The following DMD variants were observed in gnomAD, a reference collection of about 807,000 sequenced individuals.
DMD encodes the protein mutant dystrophin.
DMD carries 63 observed loss-of-function variants against 330.1 expected under a neutral mutation model. That is an observed-to-expected ratio of 0.19 (90% CI 0.16 to 0.24). The LOEUF (loss-of-function observed/expected upper bound fraction) is 0.24, where lower values mean the gene tolerates loss of function less well. Among genes scored for constraint, DMD ranks in the 10% least tolerant of loss-of-function variants. The pLI, the probability that DMD is intolerant of heterozygous loss-of-function variation, is 1.00. For missense variants in DMD, 3,344 were observed against 2,684.1 expected (o/e 1.25, Z -5.43); for synonymous variants, 1,223 against 959.8 (o/e 1.27, Z -5.07).
intron 44 of DMD, among the ~76,000 whole-genome samples, chrX:32,197,821 A>G (rs959053813): frequency 1.8e-5 from 2 of 111,540 alleles, no homozygotes; most frequent in East Asian, 2.8e-4. Context: ...ATTACCTCAC[A>G]TACTATTTTT....
chrX:31,377,773 G>A (rs190540567), intron 60 of DMD, among the ~76,000 whole-genome samples: 23 of 112,002 alleles, frequency 2.1e-4, no homozygotes, highest in Non-Finnish European at 2.8e-4. Flanking sequence ...TGACCTGCAC[G>A]TATACATCCA....
chrX:31,126,438 G>A (rs1166776523), intron 78 of DMD, among the ~76,000 whole-genome samples: 3 of 111,774 alleles, frequency 2.7e-5, no homozygotes, highest in Admixed American at 9.5e-5. Flanking sequence ...CAGTCTTGTC[G>A]TCATGGTGAT....
At chrX:31,622,288 CA>C (rs2078574159) in intron 55 of DMD, among the ~76,000 whole-genome samples, 1 of 110,096 alleles carries the variant, frequency 9.1e-6, no homozygotes, top group African/African-American at 3.3e-5. Flanking sequence ...CCAGTATTTC[CA>C]CACCGACAGA....
At chrX:32,809,734 G>A in intron 6 of DMD, 123 bp from the exon 7 acceptor site, 1 of 554,099 alleles carries the variant, frequency 1.8e-6, no homozygotes, top group Non-Finnish European at 3.1e-6. Context: ...CTTAAGTCTT[G>A]AGTGTAATTC....
At position 32,565,817 on chromosome X, in the gene DMD, T is replaced by A. The variant is rs1569214355; in HGVS notation, c.1877A>T (p.Asp626Val). The A allele has an allele frequency of 4.1e-6, 5 of 1,211,324 alleles. No individual in the cohort carries two copies. The highest frequency in any genetic ancestry group is 1.8e-5 in the South Asian group (1 of 56,996). ...SMGKLYSLKQDLLSTLKNKSV... is the reference protein window; with the variant it reads ...SMGKLYSLKQVLLSTLKNKSV... The stretch of plus-strand genomic sequence containing the variant: ...CTTATTCTTCAGTGTTGAAAGAAGA[T>A]CTTGTTTGAGTGAATACAGTTTGCC... The change falls in exon 16 of 79, where the codon GAT becomes GTT. Residue 626 changes from aspartate (D) to valine (V), a missense_variant. Transcript: ENST00000357033.
chrX:31,729,556 T>TA (rs1445229584), intron 52 of DMD, 75 bp downstream of exon 52: 2 of 696,329 alleles, frequency 2.9e-6, no homozygotes, highest in Non-Finnish European at 4.7e-6. Flanking sequence ...GTGAGGGGGA[T>TA]ATATGAACTT....
At chrX:31,209,241 G>A (rs921250403) in intron 65 of DMD, among the ~76,000 whole-genome samples, 6 of 111,808 alleles carry the variant, frequency 5.4e-5, no homozygotes, top group African/African-American at 1.3e-4. Context: ...GCTATATGTC[G>A]ACTCATTCCA....
Position 32,435,789 on chromosome X carries a change from C to T in DMD, c.4071+2452G>A, listed in dbSNP as rs778294907. Among the ~76,000 whole-genome samples, 7 of 111,220 alleles carry T rather than the reference C, an allele frequency of 6.3e-5. No homozygotes were observed. In the East Asian group the frequency reaches 1.7e-3, roughly 27 times the overall value. On this transcript the variant is annotated intron_variant, in intron 29 of 78. Coordinates refer to ENST00000357033, the MANE Select transcript of DMD (RefSeq NM_004006.3). The stretch of plus-strand genomic sequence containing the variant: ...GGCTCACCTCATCCACCCCACTTTA[C>T]CCAGAAGACTTTCAGCAACACTATG...
chrX:31,814,374 G>T (rs1052703722), intron 50 of DMD, among the ~76,000 whole-genome samples: 1 of 103,946 alleles, frequency 9.6e-6, no homozygotes, highest in African/African-American at 3.5e-5. Flanking sequence ...TCCCAGCTAC[G>T]GGGGAGGCTG....
intron 1 of DMD, among the ~76,000 whole-genome samples, chrX:33,243,063 C>T (rs1470380179): frequency 8.9e-6 from 1 of 111,940 alleles, no homozygotes; most frequent in Non-Finnish European, 1.9e-5. Flanking sequence ...TTTGTTTACT[C>T]TGCTGACTGT....
chrX:32,719,432 A>C (rs2066041741), intron 7 of DMD, among the ~76,000 whole-genome samples: 1 of 111,564 alleles, frequency 9.0e-6, no homozygotes, highest in Non-Finnish European at 1.9e-5. Flanking sequence ...AAGTAGATGA[A>C]ATTTTCAGTA....
intron 44 of DMD, among the ~76,000 whole-genome samples, chrX:32,098,859 A>G (rs751534986): frequency 1.2e-4 from 13 of 112,350 alleles, no homozygotes; most frequent in Admixed American, 1.1e-3. Flanking sequence ...CCCTTTTAAA[A>G]TAGATTAGTC....
At chrX:33,195,319 T>C (rs2050861868) in intron 1 of DMD, among the ~76,000 whole-genome samples, 1 of 111,750 alleles carries the variant, frequency 8.9e-6, no homozygotes, top group Non-Finnish European at 1.9e-5. Flanking sequence ...AACCATTCAC[T>C]TTCTCAGTAA....
chrX:33,109,083 T>G (rs1242389031), intron 1 of DMD, among the ~76,000 whole-genome samples: 4 of 109,772 alleles, frequency 3.6e-5, no homozygotes, highest in Non-Finnish European at 3.8e-5. Context: ...TATTTTCATT[T>G]AGTATAGTTC....
upstream of DMD, among the ~76,000 whole-genome samples, chrX:33,212,986 T>C (rs1250339089): frequency 9.0e-6 from 1 of 111,317 alleles, no homozygotes; most frequent in Non-Finnish European, 1.9e-5. Flanking sequence ...CACTGTGAGT[T>C]TTCTACAAAC....
At chrX:32,498,013 C>G (rs185035566) in intron 19 of DMD, among the ~76,000 whole-genome samples, 249 of 110,859 alleles carry the variant, frequency 2.2e-3, no homozygotes, top group African/African-American at 7.3e-3. Context: ...AAAAATAAAC[C>G]TTAAAGTTAT....
intron 2 of DMD, among the ~76,000 whole-genome samples, chrX:32,944,527 CA>C (rs1286773484): frequency 9.0e-6 from 1 of 111,183 alleles, no homozygotes; most frequent in African/African-American, 3.3e-5. Context: ...TTTGAAATTC[CA>C]TTTTTATTAT....
At chrX:32,743,031 C>T (rs776472961) in intron 7 of DMD, among the ~76,000 whole-genome samples, 27 of 111,097 alleles carry the variant, frequency 2.4e-4, no homozygotes, top group African/African-American at 5.9e-4. Flanking sequence ...CTGAGTCCTT[C>T]GCATTTCAGT....
chrX:33,176,929 C>T (rs2049698324), intron 1 of DMD, among the ~76,000 whole-genome samples: 1 of 111,562 alleles, frequency 9.0e-6, no homozygotes, highest in South Asian at 3.8e-4. Context: ...AAGAGCAAAA[C>T]TGTGTCTCAA....
Sources: allele counts gnomAD v4.1 joint callset (sites outside exome capture counted in the v4.1 genomes callset), GRCh38; gene constraint gnomAD v4.1.1; transcripts MANE v1.5; gene names NCBI Gene and HGNC (gene_info 2026-07-23, HGNC 2026-07-21).